The following ZMYM4 variants were observed in gnomAD, a reference collection of about 807,000 sequenced individuals.
The protein encoded by ZMYM4 is zinc finger MYM-type containing 4, also known as zinc finger MYM-type protein 4.
A neutral mutation model predicts 183.2 loss-of-function variants in ZMYM4; 31 were observed. The observed-to-expected ratio is 0.17, with a 90% CI of 0.13 to 0.23. The LOEUF is 0.23. Among genes scored for constraint, ZMYM4 ranks in the 10% least tolerant of loss-of-function variants. The pLI is 1.00. For missense variants in ZMYM4, 1,273 were observed against 1,840.3 expected, an observed-to-expected ratio of 0.69 and a Z score of 5.64; for synonymous variants, 592 against 631.2, an observed-to-expected ratio of 0.94 and a Z score of 0.93.
Position 35,389,217 on chromosome 1 carries a change from T to A in ZMYM4, c.2436+135T>A. The A allele has an allele frequency of 2.4e-6, 2 of 849,772 alleles. No homozygotes were observed. Among genetic ancestry groups the A allele is most frequent in the Non-Finnish European group, 3.4e-6 (2 of 585,580 alleles). The allele number at this position is 849,772 out of a possible 1,614,324, so 52.6% of individuals were successfully genotyped here. A position where few individuals can be genotyped will look rare whatever the true frequency, so the allele number is the denominator to read the frequency against. ...TAAATGTTTTATGCCTTCTAGCAAT[T>A]AATATAAGATTTAGAAAGACTTTAA... On this transcript the variant is annotated intron_variant, in intron 14 of 29. Coordinates refer to ENST00000314607, the MANE Select transcript of ZMYM4 (RefSeq NM_005095.3). This position sits in a 1 kb window ranked among gnomAD's most constrained non-coding sequence, Gnocchi z 4.0.
chr1:35,394,118 G>C (rs547623563), intron 18 of ZMYM4, among the ~76,000 whole-genome samples: 1 of 128,604 alleles, frequency 7.8e-6, no homozygotes, highest in South Asian at 2.6e-4. Flanking sequence ...ACTCCACACT[G>C]TTTCAAATGA....
intron 5 of ZMYM4, among the ~76,000 whole-genome samples, chr1:35,362,767 A>T (rs7523956): frequency 0.019 from 2,927 of 151,978 alleles, 80 homozygotes; most frequent in African/African-American, 0.067. Context: ...CAGTGGTGCA[A>T]TCACTGCTCA....
chr1:35,415,975 A>G (rs1158290258), intron 28 of ZMYM4, among the ~76,000 whole-genome samples: 1 of 152,228 alleles, frequency 6.6e-6, no homozygotes, highest in African/African-American at 2.4e-5. Flanking sequence ...TGCATTTTAA[A>G]ACTTCTCAGG....
rs769251558 is a variant in ZMYM4 at position 35,381,632 on chromosome 1, C to T, written c.1443C>T (p.Leu481=). 1.2e-6 allele frequency: 2 copies of T among 1,614,222 alleles called. No homozygotes were observed. Among genetic ancestry groups the T allele is most frequent in the South Asian group, 1.1e-5 (1 of 91,088 alleles). The change falls in exon 9 of 30, where the codon CTC becomes CTT. Residue 481 remains leucine (L), a synonymous_variant. Transcript: ENST00000314607. ...CFSKFRSANN[L]TMNCCENCGG... ...CTAAGTTTCGTTCTGCTAACAACCTCACCATGAACTGTTGTGAGAACTGTG... is the reference window on the plus strand; with the variant it reads ...CTAAGTTTCGTTCTGCTAACAACCTTACCATGAACTGTTGTGAGAACTGTG...
chr1:35,371,899 A>G (rs1644222649), intron 7 of ZMYM4, among the ~76,000 whole-genome samples: 1 of 152,234 alleles, frequency 6.6e-6, no homozygotes, highest in Non-Finnish European at 1.5e-5. Flanking sequence ...TGTAATTTAT[A>G]TATACAAATG....
chr1:35,386,195 G>T lies in ZMYM4; in HGVS notation c.1836+6G>T. The T allele has an allele frequency of 1.2e-6, 2 of 1,608,080 alleles. No individual in the cohort carries two copies. The highest frequency in any genetic ancestry group is 1.7e-6 in the Non-Finnish European group (2 of 1,175,426). The stretch of plus-strand genomic sequence containing the variant: ...GCTGTGTGGTAGCTTTCCAGGTATG[G>T]CTTCAGGAACCTTCCTCTTCTTCAG... On this transcript the variant is annotated splice_donor_region_variant and intron_variant, in intron 11 of 29. Coordinates refer to ENST00000314607, the MANE Select transcript of ZMYM4 (RefSeq NM_005095.3).
At position 35,378,548 on chromosome 1, in the gene ZMYM4, G is replaced by T. The variant is rs183518282; in HGVS notation, c.1182-2711G>T. Among the ~76,000 whole-genome samples, 6 of 152,322 alleles carry T rather than the reference G, an allele frequency of 3.9e-5. No individual in the cohort carries two copies. The East Asian group carries it at 9.6e-4, about 24-fold the overall frequency. On this transcript the variant is annotated intron_variant, in intron 7 of 29. Coordinates refer to ENST00000314607, the MANE Select transcript of ZMYM4 (RefSeq NM_005095.3). Reference sequence around the variant, plus strand: ...CTCCATCAGAACTCTTCAGTGACTAGATGTCAGTGAGCAGTAATATTTTGA... The same window carrying T: ...CTCCATCAGAACTCTTCAGTGACTATATGTCAGTGAGCAGTAATATTTTGA...
chr1:35,412,387 C>T (rs1639949180), intron 26 of ZMYM4, among the ~76,000 whole-genome samples: 1 of 152,012 alleles, frequency 6.6e-6, no homozygotes, highest in African/African-American at 2.4e-5. Flanking sequence ...TATTTGAATG[C>T]GTTATATTTA....
chr1:35,281,819 T>C (rs112878296), intron 1 of ZMYM4, among the ~76,000 whole-genome samples: 1 of 152,182 alleles, frequency 6.6e-6, no homozygotes, highest in African/African-American at 2.4e-5. Context: ...CCCTGCATGG[T>C]CCCTTGCGCC....
At chr1:35,296,326 G>A (rs1287987647) in intron 1 of ZMYM4, among the ~76,000 whole-genome samples, 1 of 151,892 alleles carries the variant, frequency 6.6e-6, no homozygotes, top group Non-Finnish European at 1.5e-5. Flanking sequence ...TTGAATCTAA[G>A]TTTCAGTCAA....
chr1:35,348,673 C>G (rs1433093272), intron 2 of ZMYM4, among the ~76,000 whole-genome samples: 1 of 152,172 alleles, frequency 6.6e-6, no homozygotes, highest in African/African-American at 2.4e-5. Context: ...AAGGAGAAAA[C>G]TAGAGTGGCT....
chr1:35,383,555 G>GA (rs986579214), intron 9 of ZMYM4, among the ~76,000 whole-genome samples: 24 of 148,094 alleles, frequency 1.6e-4, no homozygotes, highest in African/African-American at 5.4e-4. Context: ...TGTTCTCAAA[G>GA]AAAAAAAAAA....
chr1:35,331,797 C>CATACATAA lies in ZMYM4; in HGVS notation c.85+6395_85+6396insCATAAATA, dbSNP rs138602558. Among the ~76,000 whole-genome samples, 397 of 140,632 alleles carry CATACATAA rather than the reference C, an allele frequency of 2.8e-3. 2 individuals are homozygous for CATACATAA. The highest frequency in any genetic ancestry group is 9.4e-3 in the African/African-American group (361 of 38,400). The allele number at this position is 140,632 out of a possible 152,430, so 92.3% of individuals were successfully genotyped here. On this transcript the variant is annotated intron_variant, in intron 2 of 29. Coordinates refer to ENST00000314607, the MANE Select transcript of ZMYM4 (RefSeq NM_005095.3). ...AGAAAAAGACTCCATCTCAAAAATA[C>CATACATAA]ATAAATAAATAAATAAATAAATAAA...
intron 27 of ZMYM4, among the ~76,000 whole-genome samples, 194 bp from the exon 28 acceptor site, chr1:35,415,272 G>A (rs1302668599): frequency 6.6e-6 from 1 of 152,078 alleles, no homozygotes; most frequent in South Asian, 2.1e-4. Flanking sequence ...GAGACTCCAC[G>A]AACGGTGTCT....
chr1:35,288,646 T>C (rs1165435400), intron 1 of ZMYM4, among the ~76,000 whole-genome samples: 1 of 152,128 alleles, frequency 6.6e-6, no homozygotes, highest in Non-Finnish European at 1.5e-5. Context: ...AGAACAAATA[T>C]GTATGTATTT....
At position 35,352,259 on chromosome 1, in the gene ZMYM4, A is replaced by ACACG. The variant is rs1202948196; in HGVS notation, c.86-6665_86-6664insACGC. 4.9e-4 allele frequency among the ~76,000 whole-genome samples: 38 copies of ACACG among 77,608 alleles called. 1 individual carries two copies. The highest frequency in any genetic ancestry group is 2.6e-3 in the African/African-American group (37 of 14,232). The allele number at this position is 77,608 out of a possible 152,430, so 50.9% of individuals were successfully genotyped here. A position where few individuals can be genotyped will look rare whatever the true frequency, so the allele number is the denominator to read the frequency against. On this transcript the variant is annotated intron_variant, in intron 2 of 29. Transcript: ENST00000314607. ...ACTAATAATTTAAAAATTAGCGCGCACGCGCGCGCGCACACACACACACAC... is the reference window on the plus strand; with the variant it reads ...ACTAATAATTTAAAAATTAGCGCGCACACGCGCGCGCGCGCACACACACACACAC...
At chr1:35,303,015 C>G (rs1641359998) in intron 1 of ZMYM4, among the ~76,000 whole-genome samples, 1 of 150,784 alleles carries the variant, frequency 6.6e-6, no homozygotes, top group African/African-American at 2.4e-5. Flanking sequence ...GTGACCACGC[C>G]TATATTCCTA....
chr1:35,345,939 C>G (rs1331310746), intron 2 of ZMYM4, among the ~76,000 whole-genome samples: 1 of 152,178 alleles, frequency 6.6e-6, no homozygotes, highest in Non-Finnish European at 1.5e-5. Context: ...TTTCCCAACT[C>G]GAAATTTCTC....
At chr1:35,300,892 C>G (rs1641247684) in intron 1 of ZMYM4, among the ~76,000 whole-genome samples, 1 of 151,738 alleles carries the variant, frequency 6.6e-6, no homozygotes, top group South Asian at 2.1e-4. Flanking sequence ...GTTGATTAAC[C>G]TTTCTCATTA....
Sources: gnomAD v4.1 joint callset for allele counts (sites outside exome capture counted in the v4.1 genomes callset) on GRCh38, gnomAD v4.1.1 for gene constraint, Gnocchi (gnomAD v3.1) non-coding constraint, MANE v1.5 for transcripts, NCBI Gene and HGNC (gene_info 2026-07-23, HGNC 2026-07-21) for gene names.